The following RAB3B variants were observed in gnomAD, a reference collection of about 807,000 sequenced individuals.
RAB3B encodes ras-related protein Rab-3B.
In RAB3B, 11 loss-of-function variants were observed where a neutral mutation model predicts 20.5. The ratio of observed to expected loss-of-function variants is 0.54; its 90% CI spans 0.34 to 0.89. The LOEUF is 0.89. Among genes scored for constraint, RAB3B ranks in the 40% least tolerant of loss-of-function variants. The pLI is 0.02. For missense variants in RAB3B, 225 were observed against 280.9 expected (o/e 0.80, Z 1.42); for synonymous variants, 99 against 106.3 (o/e 0.93, Z 0.42).
chr1:51,930,040 G>A (rs2124245075), intron 4 of RAB3B, among the ~76,000 whole-genome samples: 1 of 152,342 alleles, frequency 6.6e-6, no homozygotes, highest in Middle Eastern at 3.4e-3. Flanking sequence ...AAATAGGCAA[G>A]TTCTGGTGAT....
intron 1 of RAB3B, among the ~76,000 whole-genome samples, chr1:51,978,313 G>T (rs1261026440): frequency 6.6e-6 from 1 of 152,210 alleles, no homozygotes; most frequent in Non-Finnish European, 1.5e-5. Context: ...AAAATGGGGA[G>T]AACAATTTCC....
At chr1:51,946,305 T>C (rs1257309228) in intron 2 of RAB3B, among the ~76,000 whole-genome samples, 3 of 152,242 alleles carry the variant, frequency 2.0e-5, no homozygotes, top group Admixed American at 2.0e-4. Flanking sequence ...CTCACTATCC[T>C]GTGCTCTATG....
chr1:51,928,324 C>T (rs547047193), intron 4 of RAB3B, among the ~76,000 whole-genome samples: 9 of 152,314 alleles, frequency 5.9e-5, no homozygotes, highest in East Asian at 5.8e-4. Context: ...TCAGGCTGGT[C>T]TCGAACTCCC....
chr1:51,985,849 T>TAAA (rs562172384), intron 1 of RAB3B, among the ~76,000 whole-genome samples: 4 of 122,330 alleles, frequency 3.3e-5, no homozygotes, highest in South Asian at 2.6e-4. Flanking sequence ...ATCTTACAGG[T>TAAA]AAAAAAAAAA....
In RAB3B at chr1:51,961,945, T is replaced by C. The variant is rs146755025; in HGVS notation, c.228+14945A>G. ...GCCACCAAGCCCCGCTAAATTTTTG[T>C]ATTTTTAGTAGAGACAGGGTTTCAC... On this transcript the variant is annotated intron_variant, in intron 2 of 4. Coordinates refer to ENST00000371655, the MANE Select transcript of RAB3B (RefSeq NM_002867.4). 5.9e-5 allele frequency among the ~76,000 whole-genome samples: 9 copies of C among 152,238 alleles called. No homozygotes were observed. In the East Asian group the frequency reaches 1.5e-3, roughly 26 times the overall value.
In RAB3B at chr1:51,909,292, C is replaced by T. The variant is rs908044508; in HGVS notation, c.*10635G>A. 2 of 152,096 alleles carry T rather than the reference C, an allele frequency of 1.3e-5. No homozygotes were observed. Among genetic ancestry groups the T allele is most frequent in the Non-Finnish European group, 2.9e-5 (2 of 68,020 alleles). The allele number at this position is 152,096 out of a possible 1,614,324, so 9.4% of individuals were successfully genotyped here. ...CATTCTGAGACGAATACCATCTATC[C>T]CCCTAGACTCTCACAGTGGCTCCAC... On this transcript the variant is annotated 3_prime_UTR_variant, in exon 5 of 5. Coordinates refer to ENST00000371655, the MANE Select transcript of RAB3B (RefSeq NM_002867.4).
intron 3 of RAB3B, 53 bp from the exon 4 acceptor site, chr1:51,933,495 C>A: frequency 6.5e-7 from 1 of 1,529,732 alleles, no homozygotes; most frequent in Non-Finnish European, 8.9e-7. Flanking sequence ...GACTGAATGT[C>A]TGTGTCCCCA....
In RAB3B at chr1:51,957,161, GT is replaced by G. The variant is rs1684718139; in HGVS notation, c.228+19728del. Among the ~76,000 whole-genome samples the G allele has an allele frequency of 2.6e-5, 4 of 152,208 alleles. No homozygotes were observed. In the South Asian group the frequency reaches 8.3e-4, roughly 31 times the overall value. On this transcript the variant is annotated intron_variant, in intron 2 of 4. Transcript: ENST00000371655. ...CAACTGGTGGAAAACTTAGGCTAGA[GT>G]CAGGACCAAACCAGGAGGAAGAAAA...
chr1:51,959,233 G>A (rs1205939892), intron 2 of RAB3B, among the ~76,000 whole-genome samples: 2 of 152,076 alleles, frequency 1.3e-5, no homozygotes, highest in African/African-American at 2.4e-5. Flanking sequence ...GAAAATGGGG[G>A]AGGAGGCCAG....
chr1:51,949,898 T>C (rs1684615037), intron 2 of RAB3B, among the ~76,000 whole-genome samples: 1 of 152,156 alleles, frequency 6.6e-6, no homozygotes, highest in African/African-American at 2.4e-5. Context: ...CCTAAGCTCT[T>C]GTCCCACATC....
intron 1 of RAB3B, among the ~76,000 whole-genome samples, chr1:51,989,101 G>GCACACACA (rs1553232373): frequency 1.8e-3 from 43 of 24,014 alleles, no homozygotes; most frequent in African/African-American, 2.3e-3. Flanking sequence ...ACCTGTGCGC[G>GCACACACA]CGCACACACA....
intron 2 of RAB3B, among the ~76,000 whole-genome samples, chr1:51,966,024 G>A (rs1684846746): frequency 6.6e-6 from 1 of 152,230 alleles, no homozygotes; most frequent in African/African-American, 2.4e-5. Flanking sequence ...GCATTTCAAT[G>A]TGTGCGTGCC....
In RAB3B at chr1:51,936,818, CT is replaced by C. The variant is rs113857417; in HGVS notation, c.347+475del. 4.0e-3 allele frequency among the ~76,000 whole-genome samples: 575 copies of C among 144,326 alleles called. 2 individuals are homozygous for C. The highest frequency in any genetic ancestry group is 7.2e-3 in the Middle Eastern group (2 of 276). The allele number at this position is 144,326 out of a possible 152,430, so 94.7% of individuals were successfully genotyped here. ...GCACACATTTTCTTTTCTTTTCTTT[CT>C]TTTTTTTTTTTTAAGATAGAGTCTC... is the stretch of plus-strand genomic sequence containing the variant. On this transcript the variant is annotated intron_variant, in intron 3 of 4. Coordinates refer to ENST00000371655, the MANE Select transcript of RAB3B (RefSeq NM_002867.4).
intron 2 of RAB3B, among the ~76,000 whole-genome samples, chr1:51,947,996 A>T (rs1684587510): frequency 6.6e-6 from 1 of 152,106 alleles, no homozygotes; most frequent in South Asian, 2.1e-4. Context: ...CTACCCACTG[A>T]TTTAATACTG....
intron 2 of RAB3B, among the ~76,000 whole-genome samples, chr1:51,973,777 T>C (rs1159029619): frequency 1.3e-5 from 2 of 152,136 alleles, no homozygotes; most frequent in East Asian, 1.9e-4. Flanking sequence ...AAGCTCACAA[T>C]TGGCTGAACA....
chr1:51,920,638 A>G (rs1684159783), intron 4 of RAB3B, among the ~76,000 whole-genome samples: 1 of 152,148 alleles, frequency 6.6e-6, no homozygotes. Context: ...TCTCCACTTC[A>G]CTAATACAAA....
In RAB3B at chr1:51,913,373, C is replaced by T. The variant is rs1174533401; in HGVS notation, c.*6554G>A. Reference sequence around the variant, plus strand: ...TTAAGACCCCAGGACATCTACCAGACTTAGTTTCAGAGGACTGAGGGTGCT... The same window carrying T: ...TTAAGACCCCAGGACATCTACCAGATTTAGTTTCAGAGGACTGAGGGTGCT... On this transcript the variant is annotated 3_prime_UTR_variant, in exon 5 of 5. Coordinates refer to ENST00000371655, the MANE Select transcript of RAB3B (RefSeq NM_002867.4). 6.6e-6 allele frequency: 1 copy of T among 152,120 alleles called. No individual in the cohort carries two copies. Among genetic ancestry groups the T allele is most frequent in the East Asian group, 1.9e-4 (1 of 5,200 alleles). 9.4% of individuals were successfully genotyped at this position (152,120 alleles called of 1,614,324 possible).
intron 2 of RAB3B, among the ~76,000 whole-genome samples, chr1:51,950,515 A>G (rs1323981636): frequency 1.3e-5 from 2 of 152,238 alleles, no homozygotes; most frequent in African/African-American, 4.8e-5. Context: ...GGGAAAGCTC[A>G]TTTAGAACTT....
Position 51,937,392 on chromosome 1 carries a change from C to G in RAB3B, c.249G>C (p.Arg83=). 1 of 1,605,264 alleles carries G rather than the reference C, an allele frequency of 6.2e-7. No homozygotes were observed. Among genetic ancestry groups the G allele is most frequent in the Non-Finnish European group, 8.5e-7 (1 of 1,177,076 alleles). Residue 83 remains arginine, a synonymous_variant, in exon 3 of 5, where the codon CGG becomes CGC. Transcript: ENST00000371655. ...LQIWDTAGQE[R]YRTITTAYYR... ...AATAGGCTGTTGTGATGGTCCGGTA[C>G]CGCTCCTGCCCAGCTGTGTCCTGGG...
Sources: allele counts gnomAD v4.1 joint callset (sites outside exome capture counted in the v4.1 genomes callset), GRCh38; gene constraint gnomAD v4.1.1; transcripts MANE v1.5; gene names NCBI Gene and HGNC (gene_info 2026-07-23, HGNC 2026-07-21).